Variants in MACROD2 observed in about 807,000 individuals in gnomAD.
The protein encoded by MACROD2 is mono-ADP ribosylhydrolase 2, also known as ADP-ribose glycohydrolase MACROD2.
A neutral mutation model predicts 70.4 loss-of-function variants in MACROD2; 36 were observed. The observed-to-expected ratio is 0.51, with a 90% CI of 0.39 to 0.68. The LOEUF is 0.68. Ranked by LOEUF, MACROD2 falls within the 30% of genes least tolerant of loss-of-function variation. The pLI is 0.00. For missense variants in MACROD2, 496 were observed against 538.4 expected (o/e 0.92, Z 0.78); for synonymous variants, 172 against 178.8 (o/e 0.96, Z 0.30).
chr20:15,086,071 AGTCCCAGCAATACAC>A (rs1188325751), intron 5 of MACROD2, among the ~76,000 whole-genome samples: 1 of 152,060 alleles, frequency 6.6e-6, no homozygotes, highest in African/African-American at 2.4e-5. Flanking sequence ...GGGTTGAGGG[AGTCCCAGCAATACAC>A]GTCCCACATC....
chr20:14,168,730 C>G (rs1183521262), intron 3 of MACROD2, among the ~76,000 whole-genome samples: 4 of 151,886 alleles, frequency 2.6e-5, no homozygotes, highest in African/African-American at 9.7e-5. Flanking sequence ...ATCTTTCCCC[C>G]TTGCCTTTTA....
chr20:15,018,837 A>C (rs754590525), intron 5 of MACROD2, among the ~76,000 whole-genome samples: 12 of 152,118 alleles, frequency 7.9e-5, no homozygotes, highest in Non-Finnish European at 1.6e-4. Flanking sequence ...AATACTTTGT[A>C]TCCCTCAATC....
Position 14,016,339 on chromosome 20 carries a change from G to C in MACROD2, c.163+13935G>C, listed in dbSNP as rs74988513. Among the ~76,000 whole-genome samples the C allele has an allele frequency of 2.3e-3, 352 of 152,208 alleles. 8 individuals carry two copies. The East Asian group carries it at 0.058, about 25-fold the overall frequency. ...TCCTTATCAGATATATTATTTGCAGGTGTTTTCTCACACTTTGTGGGTCGT... is the reference window on the plus strand; with the variant it reads ...TCCTTATCAGATATATTATTTGCAGCTGTTTTCTCACACTTTGTGGGTCGT... On this transcript the variant is annotated intron_variant, in intron 2 of 17. Transcript: ENST00000684519.
chr20:15,271,078 G>A (rs959127782), intron 6 of MACROD2, among the ~76,000 whole-genome samples: 12 of 152,248 alleles, frequency 7.9e-5, no homozygotes, highest in Middle Eastern at 3.4e-3. Context: ...GACCCCAAAT[G>A]ACCAATCTCT....
chr20:15,998,446 G>A (rs966364757), intron 15 of MACROD2, among the ~76,000 whole-genome samples: 4 of 151,574 alleles, frequency 2.6e-5, no homozygotes, highest in African/African-American at 7.3e-5. Context: ...TTTCTTTTAT[G>A]TTATCCCATT....
At chr20:15,260,316 C>G (rs2077237535) in intron 6 of MACROD2, among the ~76,000 whole-genome samples, 1 of 150,050 alleles carries the variant, frequency 6.7e-6, no homozygotes, top group Admixed American at 6.7e-5. Context: ...TGGTAACCAT[C>G]ATTTTACTTT....
chr20:14,390,475 G>C (rs1446372702), intron 3 of MACROD2, among the ~76,000 whole-genome samples: 1 of 152,170 alleles, frequency 6.6e-6, no homozygotes, highest in Admixed American at 6.5e-5. Context: ...GAGGCATCAT[G>C]CCACCTGACT....
At chr20:14,303,564 G>A (rs2082494596) in intron 3 of MACROD2, among the ~76,000 whole-genome samples, 1 of 152,186 alleles carries the variant, frequency 6.6e-6, no homozygotes, top group East Asian at 1.9e-4. Context: ...CATCTTGCAA[G>A]TACTGTCTAA....
At chr20:15,958,208 G>A (rs1400040628) in intron 12 of MACROD2, among the ~76,000 whole-genome samples, 4 of 152,152 alleles carry the variant, frequency 2.6e-5, no homozygotes, top group Non-Finnish European at 4.4e-5. Context: ...CCTGCTGCAA[G>A]CATTTTTAAA....
At chr20:15,501,513 T>C (rs2047364426) in intron 8 of MACROD2, among the ~76,000 whole-genome samples, 1 of 152,262 alleles carries the variant, frequency 6.6e-6, no homozygotes. Flanking sequence ...TTATTTTCCA[T>C]AGAAATTTTC....
intron 5 of MACROD2, among the ~76,000 whole-genome samples, chr20:15,096,426 T>C (rs1400950934): frequency 7.1e-6 from 1 of 140,406 alleles, no homozygotes; most frequent in East Asian, 2.0e-4. Context: ...TTTAAAATAT[T>C]AGCCATAAAT....
intron 4 of MACROD2, among the ~76,000 whole-genome samples, chr20:14,587,258 T>C (rs181994378): frequency 6.6e-6 from 1 of 151,976 alleles, no homozygotes; most frequent in Non-Finnish European, 1.5e-5. Flanking sequence ...CATATTCATG[T>C]TCTCATACCT....
chr20:14,879,081 G>C lies in MACROD2; in HGVS notation c.418+194122G>C, dbSNP rs139575142. ...TCACCTTACTCATCTCTGTTGTACT[G>C]ACAAATGGACTGTGAGCTCCGTATT... On this transcript the variant is annotated intron_variant, in intron 5 of 17. Coordinates refer to ENST00000684519, the MANE Select transcript of MACROD2 (RefSeq NM_001351661.2). Among the ~76,000 whole-genome samples the C allele has an allele frequency of 3.4e-3, 511 of 152,174 alleles. 3 individuals are homozygous for C. Among genetic ancestry groups the C allele is most frequent in the Non-Finnish European group, 5.6e-3 (383 of 68,010 alleles).
chr20:15,941,597 T>A (rs907901331), intron 12 of MACROD2, among the ~76,000 whole-genome samples: 3 of 152,190 alleles, frequency 2.0e-5, no homozygotes, highest in African/African-American at 7.2e-5. Context: ...CATTATTAGC[T>A]TTCATGCAGA....
intron 13 of MACROD2, among the ~76,000 whole-genome samples, chr20:15,976,190 A>G (rs939797265): frequency 3.3e-5 from 5 of 152,244 alleles, no homozygotes; most frequent in Non-Finnish European, 7.3e-5. Context: ...GCTTCATTCT[A>G]GACTGATGTC....
chr20:14,336,223 G>C (rs1268117934), intron 3 of MACROD2, among the ~76,000 whole-genome samples: 1 of 151,914 alleles, frequency 6.6e-6, no homozygotes, highest in Non-Finnish European at 1.5e-5. Context: ...AAATAACATA[G>C]ATGAGCATTT....
chr20:14,834,226 T>A (rs2073003518), intron 5 of MACROD2, among the ~76,000 whole-genome samples: 1 of 151,208 alleles, frequency 6.6e-6, no homozygotes. Context: ...AATGCCAATT[T>A]GTGACCTTTA....
At chr20:15,757,196 A>G (rs1026966355) in intron 8 of MACROD2, among the ~76,000 whole-genome samples, 18 of 152,236 alleles carry the variant, frequency 1.2e-4, no homozygotes, top group Non-Finnish European at 2.4e-4. Flanking sequence ...GTTCTCTTTG[A>G]AAATCTGTAT....
chr20:15,245,366 T>C (rs956798566), intron 6 of MACROD2, among the ~76,000 whole-genome samples: 4 of 152,208 alleles, frequency 2.6e-5, no homozygotes, highest in African/African-American at 9.6e-5. Flanking sequence ...GATGCTGTTA[T>C]GGCACTCAAA....
Sources: allele counts gnomAD v4.1 joint callset (sites outside exome capture counted in the v4.1 genomes callset), GRCh38; gene constraint gnomAD v4.1.1; transcripts MANE v1.5; gene names NCBI Gene and HGNC (gene_info 2026-07-23, HGNC 2026-07-21).